The following TNK2 variants were observed in gnomAD, a reference collection of about 807,000 sequenced individuals.
TNK2 encodes the protein tyrosine kinase non receptor 2.
Under a neutral mutation model 101.8 loss-of-function variants are expected in TNK2, and 83 were observed. The observed-to-expected ratio is 0.82, with a 90% CI of 0.68 to 0.98. TNK2 has a LOEUF of 0.98. Among genes scored for constraint, TNK2 ranks in the 50% least tolerant of loss-of-function variants. The pLI is 0.00. For synonymous variants in TNK2, 804 were observed against 633.0 expected, an observed-to-expected ratio of 1.27 and a Z score of -4.06; for missense variants, 1,665 against 1,483.2, an observed-to-expected ratio of 1.12 and a Z score of -2.01.
intron 10 of TNK2, 132 bp downstream of exon 10, chr3:195,872,144 G>A (rs1745891175): frequency 9.7e-7 from 1 of 1,033,272 alleles, no homozygotes; most frequent in Middle Eastern, 3.0e-4. Flanking sequence ...GGGTGAGGAG[G>A]GGAGAGTGGC....
chr3:195,883,550 G>C (rs140979568), intron 4 of TNK2: 1 of 515,280 alleles, frequency 1.9e-6, no homozygotes, highest in East Asian at 3.2e-5. Flanking sequence ...GGGGAATGCC[G>C]GGCTTAAATA....
Position 195,872,277 on chromosome 3 carries a change from C to G in TNK2, c.1450G>C (p.Glu484Gln). The change falls in exon 10 of 16, where the codon GAA becomes CAA. Residue 484 changes from glutamate (E) to glutamine (Q), a missense_variant and splice_region_variant. Coordinates refer to ENST00000672887, the MANE Select transcript of TNK2 (RefSeq NM_001382273.1). Reference sequence around the variant, plus strand: ...CATCCATCCCCGCCCAGTACTCACTCGTCAATCCTGTCCGGGAAGCCCCAG... The same window carrying G: ...CATCCATCCCCGCCCAGTACTCACTGGTCAATCCTGTCCGGGAAGCCCCAG... The part of the protein sequence containing the change: ...HCWGFPDRID[E>Q]LYLGNPMDPP... 6.2e-7 allele frequency: 1 copy of G among 1,613,292 alleles called. No homozygotes were observed. The highest frequency in any genetic ancestry group is 1.7e-5 in the Admixed American group (1 of 60,012).
At chr3:195,897,230 C>T (rs1360584192) in intron 1 of TNK2, among the ~76,000 whole-genome samples, 5 of 152,252 alleles carry the variant, frequency 3.3e-5, no homozygotes, top group Non-Finnish European at 7.3e-5. Flanking sequence ...AGAACCTCAT[C>T]CCAGAGGAAC....
intron 1 of TNK2, among the ~76,000 whole-genome samples, chr3:195,903,465 C>A (rs1398951998): frequency 6.6e-6 from 1 of 152,160 alleles, no homozygotes; most frequent in Non-Finnish European, 1.5e-5. Flanking sequence ...CCCCATAATC[C>A]CAGGACTTTG....
intron 1 of TNK2, among the ~76,000 whole-genome samples, chr3:195,906,820 G>T (rs1761770588): frequency 6.6e-6 from 1 of 152,234 alleles, no homozygotes; most frequent in Middle Eastern, 3.4e-3. Flanking sequence ...CGAAGCACAA[G>T]GTGGGGGCTA....
chr3:195,879,520 T>C (rs558476453), intron 6 of TNK2: 5 of 193,304 alleles, frequency 2.6e-5, no homozygotes, highest in Admixed American at 1.1e-4. Flanking sequence ...GGTGGGAGAA[T>C]GACAATTCCC....
rs1394843979 is a variant in TNK2 at position 195,885,637 on chromosome 3, G to A, written c.235-604C>T. ...TAGTCCTTGCTGGGAAGGGGCCTGG[G>A]AAGACAGCTGGGTCTCTGGAGGGGC... is the stretch of plus-strand genomic sequence containing the variant. On this transcript the variant is annotated intron_variant, in intron 3 of 15. Transcript: ENST00000672887. This position sits in a 1 kb window ranked among gnomAD's most constrained non-coding sequence, Gnocchi z 4.7. 7 of 1,265,260 alleles carry A rather than the reference G, an allele frequency of 5.5e-6. No homozygotes were observed. Among genetic ancestry groups the A allele is most frequent in the Non-Finnish European group, 6.2e-6 (6 of 966,830 alleles). The allele number at this position is 1,265,260 out of a possible 1,614,324, so 78.4% of individuals were successfully genotyped here.
chr3:195,892,279 C>G (rs1365887602), intron 1 of TNK2: 1 of 934,284 alleles, frequency 1.1e-6, no homozygotes, highest in Non-Finnish European at 1.5e-6. Context: ...CCACTTGGCC[C>G]GGACTCCCCG....
Position 195,884,936 on chromosome 3 carries a change from TCCCCTGCTGGG to T in TNK2, c.321_331del (p.Pro108GlyfsTer23). ...GCAGGTGAGGCTCTGCAGGGGCCCC[TCCCCTGCTGGG>T]CCCCCAGGGGCGGGCGAGGTCTTCC... On this transcript the variant is annotated frameshift_variant, in exon 4 of 16. Transcript: ENST00000672887. LOFTEE classifies it high-confidence loss of function. The T allele has an allele frequency of 6.2e-7, 1 of 1,613,658 alleles. No individual in the cohort carries two copies. The highest frequency in any genetic ancestry group is 8.5e-7 in the Non-Finnish European group (1 of 1,179,836).
At chr3:195,876,440 TCACA>T in intron 9 of TNK2, 1 of 456,450 alleles carries the variant, frequency 2.2e-6, no homozygotes, top group Middle Eastern at 3.3e-4. Context: ...GCCCAAAGAC[TCACA>T]CAGAGCCATC....
intron 9 of TNK2, chr3:195,876,655 A>C (rs1208129998): frequency 2.2e-6 from 1 of 455,672 alleles, no homozygotes; most frequent in South Asian, 1.6e-5. Context: ...TGTGGTTCCA[A>C]GCCAGGGCTG....
intron 10 of TNK2, among the ~76,000 whole-genome samples, chr3:195,870,702 T>G (rs1219632080): frequency 1.3e-5 from 2 of 152,228 alleles, no homozygotes; most frequent in South Asian, 2.1e-4. Context: ...TGTCAGTATC[T>G]GAGACTTAGT....
chr3:195,906,490 C>T (rs59229384), intron 1 of TNK2, among the ~76,000 whole-genome samples: 7,567 of 152,186 alleles, frequency 0.05, 210 homozygotes, highest in Non-Finnish European at 0.061. Context: ...CAAAATACTT[C>T]TGTTGAATGA....
At chr3:195,904,377 G>A (rs898551833) in intron 1 of TNK2, among the ~76,000 whole-genome samples, 15 of 151,992 alleles carry the variant, frequency 9.9e-5, no homozygotes, top group African/African-American at 3.6e-4. Context: ...TCTGACATAT[G>A]CTGCAATGTA....
At chr3:195,906,839 C>T (rs1761774078) in intron 1 of TNK2, among the ~76,000 whole-genome samples, 3 of 152,170 alleles carry the variant, frequency 2.0e-5, no homozygotes, top group Non-Finnish European at 4.4e-5. Context: ...TAATCCCGGG[C>T]TCAGGGGCCA....
intron 1 of TNK2, among the ~76,000 whole-genome samples, chr3:195,891,010 T>G (rs528565454): frequency 5.2e-4 from 79 of 152,360 alleles, no homozygotes; most frequent in Admixed American, 1.2e-3. Flanking sequence ...CTTCCTCTTA[T>G]GTCTCTTTAT....
At chr3:195,905,492 C>T (rs974074769) in intron 1 of TNK2, among the ~76,000 whole-genome samples, 1 of 152,228 alleles carries the variant, frequency 6.6e-6, no homozygotes, top group Non-Finnish European at 1.5e-5. Context: ...AGCCACCGTG[C>T]CCAGCCAGCA....
Position 195,868,157 on chromosome 3 carries a change from C to G in TNK2, c.2141G>C (p.Ser714Thr), listed in dbSNP as rs1216723949. ...GAAGATCTCTGCGGTCTGTGCGGAGCTGGGCGGCTTGCCCCCACCCTGGGG... is the reference window on the plus strand; with the variant it reads ...GAAGATCTCTGCGGTCTGTGCGGAGGTGGGCGGCTTGCCCCCACCCTGGGG... ...LPPQGGGKPPSSAQTAEIFQA... is the reference protein window; with the variant it reads ...LPPQGGGKPPTSAQTAEIFQA... The change falls in exon 13 of 16, where the codon AGC becomes ACC. Residue 714 changes from serine to threonine, a missense_variant. Ser to Thr is a moderately conservative substitution (Grantham distance 58). Transcript: ENST00000672887. 9.3e-6 allele frequency: 15 copies of G among 1,610,966 alleles called. No individual in the cohort carries two copies. Among genetic ancestry groups the G allele is most frequent in the African/African-American group, 1.3e-5 (1 of 74,842 alleles).
chr3:195,886,907 C>T lies in TNK2; in HGVS notation c.234+70G>A. 6.4e-7 allele frequency: 1 copy of T among 1,562,976 alleles called. No homozygotes were observed. The highest frequency in any genetic ancestry group is 1.7e-5 in the Admixed American group (1 of 59,882). On this transcript the variant is annotated intron_variant, in intron 3 of 15. Coordinates refer to ENST00000672887, the MANE Select transcript of TNK2 (RefSeq NM_001382273.1). The surrounding 1 kb of genome is among the most constrained non-coding windows in gnomAD (Gnocchi z 4.2). The stretch of plus-strand genomic sequence containing the variant: ...CTGCCGGGGAGCTGGGGAAGGTTCC[C>T]AGGACCAGAAGCGGAGGGGGGCGTT...
Sources: gnomAD v4.1 joint callset for allele counts (sites outside exome capture counted in the v4.1 genomes callset) on GRCh38, gnomAD v4.1.1 for gene constraint, Gnocchi (gnomAD v3.1) non-coding constraint, MANE v1.5 for transcripts, NCBI Gene and HGNC (gene_info 2026-07-23, HGNC 2026-07-21) for gene names.